PCDH15: variants seen among roughly 807,000 people sequenced by gnomAD.
PCDH15 encodes the protein protocadherin related 15.
PCDH15 carries 129 observed loss-of-function variants against 178.5 expected under a neutral mutation model. That is an observed-to-expected ratio of 0.72 (90% confidence interval 0.63 to 0.84). The LOEUF is 0.84. PCDH15 is among the 40% of genes least tolerant of loss of function. PCDH15 has a pLI of 0.00. For synonymous variants in PCDH15, 800 were observed against 732.0 expected, an observed-to-expected ratio of 1.09 and a Z score of -1.50; for missense variants, 2,230 against 2,099.9, an observed-to-expected ratio of 1.06 and a Z score of -1.21.
At chr10:55,078,602 T>C (rs947471858) in intron 2 of PCDH15, among the ~76,000 whole-genome samples, 3 of 152,130 alleles carry the variant, frequency 2.0e-5, no homozygotes, top group African/African-American at 4.8e-5. Context: ...AGATAGTCTA[T>C]TGTTGAAGCC....
At chr10:54,296,575 C>T (rs764615222) in intron 8 of PCDH15, among the ~76,000 whole-genome samples, 20 of 152,166 alleles carry the variant, frequency 1.3e-4, no homozygotes, top group Non-Finnish European at 1.9e-4. Flanking sequence ...AGAATGATTT[C>T]TAGCATAAAC....
At chr10:54,880,853 T>A (rs183642799) in intron 3 of PCDH15, among the ~76,000 whole-genome samples, 1 of 151,102 alleles carries the variant, frequency 6.6e-6, no homozygotes, top group African/African-American at 2.4e-5. Flanking sequence ...AAGCATAGGA[T>A]TTTTTAAAAC....
intron 2 of PCDH15, among the ~76,000 whole-genome samples, chr10:55,488,989 T>C (rs1840358375): frequency 6.6e-6 from 1 of 151,584 alleles, no homozygotes; most frequent in Admixed American, 6.6e-5. Flanking sequence ...AAAAAGGTAG[T>C]GTTGTATAAG....
intron 2 of PCDH15, among the ~76,000 whole-genome samples, chr10:54,654,006 C>A (rs1386218571): frequency 2.6e-5 from 4 of 152,096 alleles, no homozygotes; most frequent in East Asian, 3.9e-4. Flanking sequence ...AGAATCTATT[C>A]TTTTAGTAAT....
At position 54,622,671 on chromosome 10, in the gene PCDH15, T is replaced by C. The variant is rs528413487; in HGVS notation, c.91+41501A>G. 7.3e-3 allele frequency among the ~76,000 whole-genome samples: 708 copies of C among 97,006 alleles called. 15 individuals are homozygous for C. The highest frequency in any genetic ancestry group is 0.029 in the African/African-American group (681 of 23,152). The allele number at this position is 97,006 out of a possible 152,430, so 63.6% of individuals were successfully genotyped here. On this transcript the variant is annotated intron_variant, in intron 2 of 37. Transcript: ENST00000644397. The stretch of plus-strand genomic sequence containing the variant: ...TATATATACTATATAATATATATTA[T>C]ATATAATATATATTATATAATATAT...
intron 14 of PCDH15, among the ~76,000 whole-genome samples, chr10:54,144,034 C>T (rs2043656141): frequency 6.6e-6 from 1 of 151,720 alleles, no homozygotes; most frequent in South Asian, 2.1e-4. Context: ...GGGCCTGAAG[C>T]TTCTTTTGCA....
chr10:53,968,477 CCTGT>C (rs1296944535), intron 21 of PCDH15, among the ~76,000 whole-genome samples: 2 of 152,108 alleles, frequency 1.3e-5, no homozygotes, highest in African/African-American at 4.8e-5. Context: ...CTTCAATATC[CCTGT>C]CTGACAGCTT....
At chr10:55,169,473 G>A (rs1375216087) in intron 1 of PCDH15, among the ~76,000 whole-genome samples, 1 of 152,132 alleles carries the variant, frequency 6.6e-6, no homozygotes, top group African/African-American at 2.4e-5. Flanking sequence ...CACTAAATGT[G>A]CAACAGCAGA....
chr10:55,362,264 T>A (rs1429035745), intron 2 of PCDH15, among the ~76,000 whole-genome samples: 1 of 152,160 alleles, frequency 6.6e-6, no homozygotes, highest in South Asian at 2.1e-4. Flanking sequence ...CGTGGTACTT[T>A]TTTATTTTGC....
At chr10:55,270,101 C>T (rs538565899) in intron 1 of PCDH15, among the ~76,000 whole-genome samples, 1 of 152,094 alleles carries the variant, frequency 6.6e-6, no homozygotes, top group African/African-American at 2.4e-5. Flanking sequence ...ATGAACCTGA[C>T]CCCTTACCTT....
chr10:54,988,832 G>A (rs1040483244), intron 2 of PCDH15, among the ~76,000 whole-genome samples: 1 of 152,156 alleles, frequency 6.6e-6, no homozygotes, highest in African/African-American at 2.4e-5. Context: ...ACGGAAATTT[G>A]CGTAAGTAAC....
chr10:54,472,394 G>C (rs2077979182), intron 3 of PCDH15, among the ~76,000 whole-genome samples: 1 of 151,924 alleles, frequency 6.6e-6, no homozygotes, highest in African/African-American at 2.4e-5. Flanking sequence ...AATAGTTGCA[G>C]TTTTAACTGA....
intron 2 of PCDH15, among the ~76,000 whole-genome samples, chr10:55,422,109 G>A (rs1004070835): frequency 6.7e-6 from 1 of 149,328 alleles, no homozygotes; most frequent in African/African-American, 2.6e-5. Flanking sequence ...CACATTAACA[G>A]TCACTCTCTA....
chr10:53,906,644 C>T (rs1485917565), intron 25 of PCDH15, among the ~76,000 whole-genome samples: 1 of 152,110 alleles, frequency 6.6e-6, no homozygotes, highest in African/African-American at 2.4e-5. Context: ...AGGGAGCTCA[C>T]TAAATCAAAG....
chr10:55,283,667 T>A (rs1017350905), intron 1 of PCDH15, among the ~76,000 whole-genome samples: 1 of 151,074 alleles, frequency 6.6e-6, no homozygotes, highest in Non-Finnish European at 1.5e-5. Flanking sequence ...GCTTTGTGCA[T>A]CCTAGATGCT....
intron 8 of PCDH15, among the ~76,000 whole-genome samples, chr10:54,314,236 A>G (rs2061091813): frequency 6.6e-6 from 1 of 151,928 alleles, no homozygotes; most frequent in African/African-American, 2.4e-5. Context: ...TATTTGTTTC[A>G]GCATATTTGT....
chr10:54,126,566 A>C (rs543092791), intron 15 of PCDH15, among the ~76,000 whole-genome samples: 1 of 152,266 alleles, frequency 6.6e-6, no homozygotes, highest in East Asian at 1.9e-4. Context: ...TGTGAGATAC[A>C]TCTTTGACAT....
At chr10:55,041,529 C>T (rs952547691) in intron 2 of PCDH15, among the ~76,000 whole-genome samples, 1 of 152,036 alleles carries the variant, frequency 6.6e-6, no homozygotes, top group East Asian at 1.9e-4. Context: ...AATCACATTG[C>T]AATCTTGTGA....
intron 28 of PCDH15, among the ~76,000 whole-genome samples, chr10:53,847,849 C>T (rs1012773203): frequency 2.6e-5 from 4 of 151,712 alleles, no homozygotes; most frequent in Non-Finnish European, 5.9e-5. Flanking sequence ...TGTATTTTAC[C>T]TTTTTTTCTG....
Sources: gnomAD v4.1 joint callset for allele counts (sites outside exome capture counted in the v4.1 genomes callset) on GRCh38, gnomAD v4.1.1 for gene constraint, MANE v1.5 for transcripts, NCBI Gene and HGNC (gene_info 2026-07-23, HGNC 2026-07-21) for gene names.